The following MAP3K15 variants were observed in gnomAD, a reference collection of about 807,000 sequenced individuals.
The protein encoded by MAP3K15 is mitogen-activated protein kinase kinase kinase 15, also known as MAPK/ERK kinase kinase 15.
MAP3K15 carries 124 observed loss-of-function variants against 99.5 expected under a neutral mutation model. That is an observed-to-expected ratio of 1.25 (90% confidence interval 1.08 to 1.45). The LOEUF (loss-of-function observed/expected upper bound fraction) is 1.45, where lower values mean the gene tolerates loss of function less well. Among genes scored for constraint, MAP3K15 ranks in the 40% most tolerant of loss-of-function variants. The pLI, the probability that MAP3K15 is intolerant of heterozygous loss-of-function variation, is 0.00. For missense variants in MAP3K15, 1,242 were observed against 1,079.7 expected, an observed-to-expected ratio of 1.15 and a Z score of -2.11; for synonymous variants, 494 against 439.6, an observed-to-expected ratio of 1.12 and a Z score of -1.55.
intron 9 of MAP3K15, among the ~76,000 whole-genome samples, chrX:19,425,108 T>A (rs2063819626): frequency 8.9e-6 from 1 of 111,859 alleles, no homozygotes; most frequent in African/African-American, 3.2e-5. Flanking sequence ...AATGGCCGTG[T>A]AAGGCTGTTG....
rs577198667 is a variant in MAP3K15 at position 19,404,113 on chromosome X, A to G, written c.1844+3075T>C. ...GATGACATGATATTGCACATAGAAA[A>G]CCCTAAGGAATTCAATAAAACCCAT... On this transcript the variant is annotated intron_variant, in intron 13 of 28. Coordinates refer to ENST00000338883, the MANE Select transcript of MAP3K15 (RefSeq NM_001001671.4). Among the ~76,000 whole-genome samples, 90 of 111,484 alleles carry G rather than the reference A, an allele frequency of 8.1e-4. 2 individuals carry two copies. In the South Asian group the frequency reaches 0.033, roughly 40 times the overall value.
At chrX:19,486,768 A>T (rs1408801836) in intron 2 of MAP3K15, among the ~76,000 whole-genome samples, 2 of 111,557 alleles carry the variant, frequency 1.8e-5, no homozygotes, top group Non-Finnish European at 1.9e-5. Context: ...GGGGGCATTT[A>T]TAAGGATTTC....
In MAP3K15 at chrX:19,429,760, AAGAGAGAG is replaced by A. The variant is rs369383239; in HGVS notation, c.1166+1670_1166+1677del. Among the ~76,000 whole-genome samples, 240 of 33,136 alleles carry A rather than the reference AAGAGAGAG, an allele frequency of 7.2e-3. 6 individuals carry two copies. The highest frequency in any genetic ancestry group is 0.025 in the Middle Eastern group (1 of 40). The allele number at this position is 33,136 out of a possible 115,157, so 28.8% of individuals were successfully genotyped here. Reference sequence around the variant, plus strand: ...CAGAGCCTCCTGTGTGTATGAAAGGAAGAGAGAGAGAGAGAGAGAGAGAGAGAGAGAGA... The same window carrying A: ...CAGAGCCTCCTGTGTGTATGAAAGGAAGAGAGAGAGAGAGAGAGAGAGAGA... On this transcript the variant is annotated intron_variant, in intron 7 of 28. Transcript: ENST00000338883.
chrX:19,428,748 C>T (rs1382752137), intron 7 of MAP3K15, among the ~76,000 whole-genome samples: 2 of 111,513 alleles, frequency 1.8e-5, no homozygotes, highest in Non-Finnish European at 1.9e-5. Context: ...AGGTGGATTG[C>T]CTGAGGTCAG....
intron 18 of MAP3K15, among the ~76,000 whole-genome samples, chrX:19,383,890 G>A (rs4006067): frequency 3.6e-5 from 4 of 111,904 alleles, no homozygotes; most frequent in African/African-American, 6.5e-5. Context: ...GTTGGTGGGA[G>A]TGTAAATTAG....
intron 2 of MAP3K15, among the ~76,000 whole-genome samples, chrX:19,488,589 A>G (rs1406964437): frequency 9.0e-6 from 1 of 111,318 alleles, no homozygotes; most frequent in Non-Finnish European, 1.9e-5. Context: ...GTTTGCCTCC[A>G]CTTCCCTAAC....
intron 19 of MAP3K15, among the ~76,000 whole-genome samples, chrX:19,375,928 G>T (rs1316972937): frequency 2.7e-5 from 3 of 112,395 alleles, no homozygotes; most frequent in African/African-American, 9.7e-5. Context: ...GCAATGCAGG[G>T]TGCCTCACAG....
chrX:19,413,338 T>C lies in MAP3K15; in HGVS notation c.1698+19A>G. The C allele has an allele frequency of 3.5e-6, 4 of 1,138,656 alleles. No individual in the cohort carries two copies. The highest frequency in any genetic ancestry group is 3.6e-6 in the Non-Finnish European group (3 of 834,632). 93.8% of individuals were successfully genotyped at this position (1,138,656 alleles called of 1,213,427 possible). On this transcript the variant is annotated intron_variant, in intron 11 of 28. Transcript: ENST00000338883. The stretch of plus-strand genomic sequence containing the variant: ...CTATTTGAAAACTGATTAAATTGCT[T>C]GTGATTTTTCCTCCTTACCATTTCT...
chrX:19,366,031 A>T (rs1009918082), intron 25 of MAP3K15, among the ~76,000 whole-genome samples: 14 of 106,385 alleles, frequency 1.3e-4, no homozygotes, highest in Non-Finnish European at 2.5e-4. Context: ...AAAAAAAAAA[A>T]GACTGAAGGT....
intron 6 of MAP3K15, among the ~76,000 whole-genome samples, chrX:19,450,997 G>A (rs747274953): frequency 1.3e-4 from 14 of 109,345 alleles, no homozygotes; most frequent in Admixed American, 1.3e-3. Context: ...AGATAAATGA[G>A]ACATCCGGCC....
chrX:19,402,825 C>T (rs977658533), intron 13 of MAP3K15, among the ~76,000 whole-genome samples: 1 of 111,070 alleles, frequency 9.0e-6, no homozygotes, highest in Admixed American at 9.6e-5. Context: ...CCACCACGCC[C>T]AGCTAATTTT....
intron 7 of MAP3K15, among the ~76,000 whole-genome samples, chrX:19,428,672 T>C (rs1356916379): frequency 9.0e-6 from 1 of 111,585 alleles, no homozygotes; most frequent in Non-Finnish European, 1.9e-5. Context: ...GGCATAAAAA[T>C]AAAGAGAAAT....
chrX:19,400,676 G>A lies in MAP3K15; in HGVS notation c.1845-13C>T, dbSNP rs777271085. ...CAAAGAGAAAAATCTAGAACAGCAA[G>A]TGTCACAAATACGTTGCCAACTCAG... is the stretch of plus-strand genomic sequence containing the variant. On this transcript the variant is annotated splice_polypyrimidine_tract_variant and intron_variant, in intron 13 of 28. Transcript: ENST00000338883. The A allele has an allele frequency of 1.7e-6, 2 of 1,145,310 alleles. No individual in the cohort carries two copies. The highest frequency in any genetic ancestry group is 1.2e-6 in the Non-Finnish European group (1 of 839,074). The allele number at this position is 1,145,310 out of a possible 1,213,427, so 94.4% of individuals were successfully genotyped here.
intron 6 of MAP3K15, among the ~76,000 whole-genome samples, chrX:19,452,096 AAG>A (rs1486493460): frequency 0.056 from 1 of 18 alleles, no homozygotes; most frequent in African/African-American, 0.25. Flanking sequence ...AAGAGAAGAG[AAG>A]AGAAGAGAAG....
intron 3 of MAP3K15, among the ~76,000 whole-genome samples, chrX:19,466,125 T>C (rs936495361): frequency 9.0e-6 from 1 of 110,917 alleles, no homozygotes; most frequent in Non-Finnish European, 1.9e-5. Context: ...GGCCTTGTAA[T>C]ACTTTCAAGT....
intron 25 of MAP3K15, among the ~76,000 whole-genome samples, chrX:19,366,003 T>A (rs1395016062): frequency 1.7e-5 from 1 of 57,650 alleles, no homozygotes; most frequent in African/African-American, 9.1e-5. Context: ...CGAGCCTCCA[T>A]CTCAAAAAAA....
intron 6 of MAP3K15, among the ~76,000 whole-genome samples, chrX:19,439,058 G>T (rs1028506018): frequency 8.9e-6 from 1 of 111,752 alleles, no homozygotes; most frequent in Non-Finnish European, 1.9e-5. Flanking sequence ...TTAGCCAGGT[G>T]TGGTGGTAGG....
intron 9 of MAP3K15, among the ~76,000 whole-genome samples, chrX:19,419,378 G>T (rs745428091): frequency 5.4e-4 from 57 of 106,027 alleles, no homozygotes; most frequent in African/African-American, 1.9e-3. Flanking sequence ...AAAAAGGCAG[G>T]GGTTGCAATC....
chrX:19,362,685 T>C (rs1293586412), intron 26 of MAP3K15, 53 bp downstream of exon 26: 1 of 741,510 alleles, frequency 1.3e-6, no homozygotes, highest in Non-Finnish European at 2.1e-6. Flanking sequence ...TCTTCAAAGC[T>C]AACTAGAATA....
Sources: allele counts gnomAD v4.1 joint callset (sites outside exome capture counted in the v4.1 genomes callset), GRCh38; gene constraint gnomAD v4.1.1; transcripts MANE v1.5; gene names NCBI Gene and HGNC (gene_info 2026-07-23, HGNC 2026-07-21).